The following ZNF827 variants were observed in gnomAD, a reference collection of about 807,000 sequenced individuals.
The protein encoded by ZNF827 is zinc finger protein 827.
In ZNF827, 13 loss-of-function variants were observed where a neutral mutation model predicts 102.4. The ratio of observed to expected loss-of-function variants is 0.13; its 90% CI spans 0.08 to 0.20. The LOEUF (loss-of-function observed/expected upper bound fraction) is 0.20. Among genes scored for constraint, ZNF827 ranks in the 10% least tolerant of loss-of-function variants. The pLI is 1.00. For synonymous variants in ZNF827, 523 were observed against 536.2 expected (o/e 0.98, Z 0.34); for missense variants, 1,103 against 1,344.4 (o/e 0.82, Z 2.81).
rs371434438 is a variant in ZNF827, at chr4:145,886,262, G to A, written c.1267-104C>T. 2.1e-5 allele frequency: 31 copies of A among 1,448,918 alleles called. No individual in the cohort carries two copies. In the South Asian group the frequency reaches 4.0e-4, roughly 19 times the overall value. 89.8% of individuals were successfully genotyped at this position (1,448,918 alleles called of 1,614,324 possible). A position where few individuals can be genotyped will look rare whatever the true frequency, so the allele number is the denominator to read the frequency against. On this transcript the variant is annotated intron_variant, in intron 3 of 14. Transcript: ENST00000508784. ...CAATCATTTCCTCACCGTGCAAAGG[G>A]CTGGCCTTTGTACTGCAGAGCATTT...
intron 7 of ZNF827, among the ~76,000 whole-genome samples, chr4:145,827,614 G>T (rs956567325): frequency 6.6e-6 from 1 of 152,114 alleles, no homozygotes. Context: ...CTTCTATTTC[G>T]CCAAAGCTGT....
At chr4:145,883,403 C>A (rs4128560) in intron 4 of ZNF827, among the ~76,000 whole-genome samples, 1 of 152,214 alleles carries the variant, frequency 6.6e-6, no homozygotes, top group Non-Finnish European at 1.5e-5. Flanking sequence ...CCATCAATAG[C>A]TAACTGAAAA....
At position 145,844,008 on chromosome 4, in the gene ZNF827, A is replaced by G. The variant is rs182180519; in HGVS notation, c.2279+1948T>C. Among the ~76,000 whole-genome samples, 310 of 152,322 alleles carry G rather than the reference A, an allele frequency of 2.0e-3. 1 individual carries two copies. Among genetic ancestry groups the G allele is most frequent in the African/African-American group, 7.1e-3 (297 of 41,576 alleles). On this transcript the variant is annotated intron_variant, in intron 7 of 14. Transcript: ENST00000508784. ...TCTCCATCTCTAGGGGACTTAACCT[A>G]TAACACTTCAAGAATCCTATGGCAG...
intron 10 of ZNF827, among the ~76,000 whole-genome samples, chr4:145,775,202 T>C (rs1344575849): frequency 6.6e-6 from 1 of 152,202 alleles, no homozygotes; most frequent in Non-Finnish European, 1.5e-5. Context: ...GCTAGAGACA[T>C]TTCCTGCAAA....
chr4:145,796,955 T>C (rs1740448515), intron 8 of ZNF827, among the ~76,000 whole-genome samples: 1 of 152,160 alleles, frequency 6.6e-6, no homozygotes, highest in South Asian at 2.1e-4. Context: ...TAACAACCCA[T>C]GTGGTAGGTA....
chr4:145,893,750 C>T (rs144304597), intron 2 of ZNF827, among the ~76,000 whole-genome samples: 36 of 152,244 alleles, frequency 2.4e-4, no homozygotes, highest in African/African-American at 8.4e-4. Flanking sequence ...ATTAAACAAT[C>T]CTCTATATAA....
chr4:145,835,684 C>T (rs570177157), intron 7 of ZNF827, among the ~76,000 whole-genome samples: 1,623 of 143,454 alleles, frequency 0.011, 9 homozygotes, highest in South Asian at 0.025. Flanking sequence ...CGATCATGCA[C>T]CCCTTACCAT....
In ZNF827 at chr4:145,849,636, C is replaced by T. The variant is rs150009489; in HGVS notation, c.1982-75G>A. ...CCAAGCTAGACCCAGTTTCTAATCA[C>T]AGAGAAAACCATAAAGATTGTGGCA... On this transcript the variant is annotated intron_variant, in intron 5 of 14. Coordinates refer to ENST00000508784, the MANE Select transcript of ZNF827 (RefSeq NM_001306215.2). The T allele has an allele frequency of 3.1e-5, 50 of 1,588,956 alleles. No individual in the cohort carries two copies. The East Asian group carries it at 9.9e-4, about 31-fold the overall frequency.
At chr4:145,788,680 A>G (rs1739243013) in intron 8 of ZNF827, among the ~76,000 whole-genome samples, 1 of 152,234 alleles carries the variant, frequency 6.6e-6, no homozygotes, top group South Asian at 2.1e-4. Flanking sequence ...ATATTGATTC[A>G]GGAATCATGT....
At chr4:145,851,009 G>T (rs1024335033) in intron 5 of ZNF827, among the ~76,000 whole-genome samples, 1 of 152,080 alleles carries the variant, frequency 6.6e-6, no homozygotes, top group African/African-American at 2.4e-5. Context: ...CACAGAAGAG[G>T]ACAAGACATA....
chr4:145,822,774 C>T (rs538033429), intron 8 of ZNF827, among the ~76,000 whole-genome samples: 2 of 152,282 alleles, frequency 1.3e-5, no homozygotes, highest in African/African-American at 4.8e-5. Flanking sequence ...CACACATAAG[C>T]CCTCCAGGAT....
At chr4:145,886,237 C>A in intron 3 of ZNF827, 79 bp from the exon 4 acceptor site, 2 of 1,491,060 alleles carry the variant, frequency 1.3e-6, no homozygotes, top group East Asian at 2.4e-5. Flanking sequence ...GACTATTCAT[C>A]AATCATTTCC....
Position 145,902,208 on chromosome 4 carries a change from G to A in ZNF827, c.1051C>T (p.Leu351Phe), listed in dbSNP as rs1561058740. Residue 351 changes from leucine (L) to phenylalanine (F), a missense_variant, in exon 2 of 15, where the codon CTC (leucine) becomes TTC (phenylalanine). By Grantham distance (22) the Leu-to-Phe change is conservative (BLOSUM62 0). This residue lies in a region of ZNF827 where 441 missense variants were observed against 458.6 expected (regional missense o/e 0.96). Transcript: ENST00000508784. The surrounding 1 kb of genome is among the most constrained non-coding windows in gnomAD (Gnocchi z 4.3). Reference sequence around the variant, plus strand: ...GAAACTCTTCCCTTAGGAACTGGGAGTAATAATAATTCCAGGGATTGTGGT... The same window carrying A: ...GAAACTCTTCCCTTAGGAACTGGGAATAATAATAATTCCAGGGATTGTGGT... ...PPPQSLELLL[L>F]PVPKGRVSKP... 1.3e-6 allele frequency: 2 copies of A among 1,549,496 alleles called. No homozygotes were observed. Among genetic ancestry groups the A allele is most frequent in the Admixed American group, 1.8e-5 (1 of 56,872 alleles).
At chr4:145,768,894 T>TAG (rs1735782924) in intron 11 of ZNF827, among the ~76,000 whole-genome samples, 2 of 12,084 alleles carry the variant, frequency 1.7e-4, no homozygotes, top group Non-Finnish European at 3.9e-4. Flanking sequence ...AAAAAAAATA[T>TAG]ATATATATAT....
At chr4:145,878,464 T>C (rs1182299971) in intron 4 of ZNF827, among the ~76,000 whole-genome samples, 1 of 151,718 alleles carries the variant, frequency 6.6e-6, no homozygotes, top group Non-Finnish European at 1.5e-5. Context: ...ACCCAGCTAA[T>C]TGGGAGGCTG....
At chr4:145,855,050 GGT>G (rs1218106045) in intron 5 of ZNF827, among the ~76,000 whole-genome samples, 1 of 152,166 alleles carries the variant, frequency 6.6e-6, no homozygotes, top group African/African-American at 2.4e-5. Flanking sequence ...GGCACACGGT[GGT>G]GTGTAATGTT....
intron 8 of ZNF827, among the ~76,000 whole-genome samples, chr4:145,796,128 C>T (rs1322724772): frequency 6.6e-6 from 1 of 152,156 alleles, no homozygotes; most frequent in African/African-American, 2.4e-5. Context: ...AGGATGTAAC[C>T]ACATGATTCC....
chr4:145,832,913 T>C (rs1744381849), intron 7 of ZNF827: 1 of 152,500 alleles, frequency 6.6e-6, no homozygotes, highest in Non-Finnish European at 1.5e-5. Context: ...TTGCTGACTC[T>C]CTTTTCGGAC....
chr4:145,921,246 G>C (rs1753041799), intron 1 of ZNF827, among the ~76,000 whole-genome samples: 1 of 152,150 alleles, frequency 6.6e-6, no homozygotes, highest in South Asian at 2.1e-4. Flanking sequence ...AAAACAAGGA[G>C]TATACAACAT....
Sources: gnomAD v4.1 joint callset for allele counts (sites outside exome capture counted in the v4.1 genomes callset) on GRCh38, gnomAD v4.1.1 for gene constraint, gnomAD v4.1.1 regional missense constraint, Gnocchi (gnomAD v3.1) non-coding constraint, MANE v1.5 for transcripts, NCBI Gene and HGNC (gene_info 2026-07-23, HGNC 2026-07-21) for gene names.